The following KCNJ12 variants were observed in gnomAD, a reference collection of about 807,000 sequenced individuals.
KCNJ12 encodes potassium inwardly rectifying channel subfamily J member 12.
Under a neutral mutation model 22.3 loss-of-function variants are expected in KCNJ12, and 2 were observed. That is an observed-to-expected ratio of 0.09 (90% CI 0.04 to 0.28). The LOEUF (loss-of-function observed/expected upper bound fraction) is 0.28. Ranked by LOEUF, KCNJ12 falls within the 10% of genes least tolerant of loss-of-function variation. KCNJ12 has a pLI of 1.00. For missense variants in KCNJ12, 155 were observed against 633.3 expected (o/e 0.24, Z 8.11); for synonymous variants, 117 against 261.4 (o/e 0.45, Z 5.33).
chr17:21,396,539 CG>C (rs1237910485), intron 1 of KCNJ12, among the ~76,000 whole-genome samples: 3 of 152,168 alleles, frequency 2.0e-5, no homozygotes, highest in Non-Finnish European at 2.9e-5. Flanking sequence ...CGTGCCTGGC[CG>C]GGGTTCTAGC....
chr17:21,388,811 C>A (rs1222157532), intron 1 of KCNJ12, among the ~76,000 whole-genome samples: 8 of 152,306 alleles, frequency 5.3e-5, no homozygotes, highest in Middle Eastern at 6.8e-3. Flanking sequence ...GTGGCCAAGC[C>A]AGATTTGAAC....
intron 1 of KCNJ12, among the ~76,000 whole-genome samples, chr17:21,395,005 G>A (rs1273533743): frequency 6.6e-6 from 1 of 152,166 alleles, no homozygotes; most frequent in Non-Finnish European, 1.5e-5. Flanking sequence ...TAGCACAGAA[G>A]TGTTGATGAT....
intron 1 of KCNJ12, among the ~76,000 whole-genome samples, chr17:21,391,039 G>A (rs782019813): frequency 6.6e-6 from 1 of 152,174 alleles, no homozygotes; most frequent in South Asian, 2.1e-4. Context: ...TCTGGATGTC[G>A]TGTGTGCGTG....
chr17:21,377,275 G>A (rs1401856094), intron 1 of KCNJ12, among the ~76,000 whole-genome samples: 4 of 152,050 alleles, frequency 2.6e-5, no homozygotes, highest in Non-Finnish European at 5.9e-5. Flanking sequence ...GAAGCACTCT[G>A]GCGCGCGGCA....
Position 21,416,696 on chromosome 17 carries a change from C to A in KCNJ12, c.*52C>A, listed in dbSNP as rs78435971. ...CACCCCCGGCTGGGGAGAGGCCCCG[C>A]GGTCGCTCAGGGGCCCCGGGTTTGA... On this transcript the variant is annotated 3_prime_UTR_variant, in exon 3 of 3. Coordinates refer to ENST00000583088, the MANE Select transcript of KCNJ12 (RefSeq NM_021012.5). The A allele has an allele frequency of 7.4e-6, 11 of 1,478,602 alleles. No individual in the cohort carries two copies. Among genetic ancestry groups the A allele is most frequent in the Admixed American group, 4.7e-5 (2 of 42,220 alleles). The allele number at this position is 1,478,602 out of a possible 1,614,324, so 91.6% of individuals were successfully genotyped here.
chr17:21,386,501 TA>T (rs1355135599), intron 1 of KCNJ12, among the ~76,000 whole-genome samples: 1 of 152,128 alleles, frequency 6.6e-6, no homozygotes, highest in Non-Finnish European at 1.5e-5. Context: ...TTATTGTATT[TA>T]TTTTTTTTAA....
chr17:21,389,176 C>T (rs1194479004), intron 1 of KCNJ12, among the ~76,000 whole-genome samples: 1 of 152,192 alleles, frequency 6.6e-6, no homozygotes, highest in African/African-American at 2.4e-5. Flanking sequence ...CTGCTATTCA[C>T]AGGTGGAGAA....
chr17:21,410,019 C>T (rs1337034299), intron 2 of KCNJ12, among the ~76,000 whole-genome samples: 5 of 152,140 alleles, frequency 3.3e-5, no homozygotes, highest in African/African-American at 1.2e-4. Context: ...AGGAATGCCA[C>T]CCACCACTCT....
At chr17:21,394,432 G>A (rs1299950538) in intron 1 of KCNJ12, among the ~76,000 whole-genome samples, 1 of 152,190 alleles carries the variant, frequency 6.6e-6, no homozygotes, top group Admixed American at 6.5e-5. Context: ...TATGATGTTT[G>A]CTCAGTGATG....
At chr17:21,407,786 A>G (rs1906056777) in intron 1 of KCNJ12, among the ~76,000 whole-genome samples, 1 of 125,218 alleles carries the variant, frequency 8.0e-6, no homozygotes, top group Admixed American at 7.8e-5. Context: ...CATCCATCCT[A>G]TTATCCATTC....
intron 1 of KCNJ12, among the ~76,000 whole-genome samples, chr17:21,392,660 G>A (rs782173922): frequency 2.0e-5 from 3 of 152,246 alleles, no homozygotes; most frequent in Non-Finnish European, 2.9e-5. Context: ...CATCCTCCTC[G>A]AGTGGGTTCA....
Position 21,398,093 on chromosome 17 carries a change from G to A in KCNJ12, c.-178-10426G>A, listed in dbSNP as rs1198560022. 7.3e-5 allele frequency among the ~76,000 whole-genome samples: 8 copies of A among 109,300 alleles called. No individual in the cohort carries two copies. In the African/African-American group the frequency reaches 8.3e-4, roughly 11 times the overall value. The allele number at this position is 109,300 out of a possible 152,430, so 71.7% of individuals were successfully genotyped here. On this transcript the variant is annotated intron_variant, in intron 1 of 2. Coordinates refer to ENST00000583088, the MANE Select transcript of KCNJ12 (RefSeq NM_021012.5). ...GACATAGCCCTGGACGTGTGTGTAT[G>A]TGTGTGTGTGTGTGTGTGTGTGTGT... is the stretch of plus-strand genomic sequence containing the variant.
chr17:21,395,139 T>G (rs1273135844), intron 1 of KCNJ12, among the ~76,000 whole-genome samples: 3 of 150,766 alleles, frequency 2.0e-5, no homozygotes, highest in Non-Finnish European at 4.4e-5. Context: ...TCTACAAAAA[T>G]GAAACATTAG....
At chr17:21,379,201 A>G (rs1904778733) in intron 1 of KCNJ12, among the ~76,000 whole-genome samples, 1 of 152,212 alleles carries the variant, frequency 6.6e-6, no homozygotes, top group Admixed American at 6.5e-5. Context: ...GGTTCTGCCT[A>G]TGGGCAGTTT....
intron 1 of KCNJ12, among the ~76,000 whole-genome samples, chr17:21,386,510 T>A (rs1288827439): frequency 6.6e-6 from 1 of 152,172 alleles, no homozygotes; most frequent in African/African-American, 2.4e-5. Context: ...TTATTTTTTT[T>A]AACTATATGT....
chr17:21,414,696 G>A (rs1906587514), intron 2 of KCNJ12, among the ~76,000 whole-genome samples: 1 of 152,312 alleles, frequency 6.6e-6, no homozygotes, highest in Non-Finnish European at 1.5e-5. Context: ...CGAGGCAGTG[G>A]CAGGATGTCT....
intron 1 of KCNJ12, among the ~76,000 whole-genome samples, chr17:21,387,829 G>A (rs1905115921): frequency 6.6e-6 from 1 of 152,178 alleles, no homozygotes; most frequent in African/African-American, 2.4e-5. Flanking sequence ...AGGTCCTCCT[G>A]CCCCACCTGT....
intron 1 of KCNJ12, among the ~76,000 whole-genome samples, chr17:21,380,809 C>T (rs1220941329): frequency 6.7e-6 from 1 of 150,194 alleles, no homozygotes; most frequent in Non-Finnish European, 1.5e-5. Context: ...GCAGTGGGCC[C>T]CAGATGGCAG....
intron 1 of KCNJ12, among the ~76,000 whole-genome samples, chr17:21,399,787 A>G (rs1597567864): frequency 6.6e-6 from 1 of 152,166 alleles, no homozygotes. Context: ...CTGAATTTCT[A>G]TCCCAGCTTT....
Sources: allele counts gnomAD v4.1 joint callset (sites outside exome capture counted in the v4.1 genomes callset), GRCh38; gene constraint gnomAD v4.1.1; transcripts MANE v1.5; gene names NCBI Gene and HGNC (gene_info 2026-07-23, HGNC 2026-07-21).